Variants in SDK1 observed in about 807,000 individuals in gnomAD.
SDK1 encodes sidekick cell adhesion molecule 1.
SDK1 carries 157 observed loss-of-function variants against 245.5 expected under a neutral mutation model. The observed-to-expected ratio is 0.64, with a 90% CI of 0.56 to 0.73. SDK1 has a LOEUF of 0.73. Among genes scored for constraint, SDK1 ranks in the 30% least tolerant of loss-of-function variants. SDK1 has a pLI of 0.00. For missense variants in SDK1, 3,583 were observed against 3,002.3 expected (o/e 1.19, Z -4.52); for synonymous variants, 1,647 against 1,278.5 (o/e 1.29, Z -6.15).
chr7:4,161,081 C>T (rs1231263739), intron 31 of SDK1, among the ~76,000 whole-genome samples: 1 of 152,158 alleles, frequency 6.6e-6, no homozygotes, highest in East Asian at 1.9e-4. Context: ...GAGTTCAGCT[C>T]AATATGCCAA....
chr7:3,852,406 C>G (rs1452016566), intron 5 of SDK1, among the ~76,000 whole-genome samples: 1 of 151,496 alleles, frequency 6.6e-6, no homozygotes. Context: ...TTTCACGAGT[C>G]TTGCAAAAAA....
intron 1 of SDK1, among the ~76,000 whole-genome samples, chr7:3,414,498 T>C (rs1217741428): frequency 1.3e-5 from 2 of 152,202 alleles, no homozygotes; most frequent in East Asian, 3.8e-4. Context: ...TTCTTTTACA[T>C]GAATATCTAT....
intron 4 of SDK1, among the ~76,000 whole-genome samples, chr7:3,700,685 T>TAAGC (rs1336310542): frequency 9.2e-5 from 14 of 152,192 alleles, no homozygotes; most frequent in African/African-American, 3.4e-4. Context: ...ATGGTGAACT[T>TAAGC]AAGCCCCAGA....
At position 3,618,308 on chromosome 7, in the gene SDK1, A is replaced by G. The variant is rs774520611; in HGVS notation, c.299-772A>G. On this transcript the variant is annotated intron_variant, in intron 1 of 44. Transcript: ENST00000404826. ...TCCCATTACCTTCACCCCCGTCGCTATCCCATCCCTCAGAGGTAACCCTTA... is the reference window on the plus strand; with the variant it reads ...TCCCATTACCTTCACCCCCGTCGCTGTCCCATCCCTCAGAGGTAACCCTTA... Among the ~76,000 whole-genome samples the G allele has an allele frequency of 3.9e-5, 6 of 152,318 alleles. No individual in the cohort carries two copies. In the East Asian group the frequency reaches 1.2e-3, roughly 29 times the overall value.
At chr7:3,912,379 G>A (rs888312982) in intron 5 of SDK1, among the ~76,000 whole-genome samples, 13 of 152,204 alleles carry the variant, frequency 8.5e-5, no homozygotes, top group African/African-American at 2.4e-4. Flanking sequence ...ACGGTAACTG[G>A]TGCACAGTAG....
intron 1 of SDK1, among the ~76,000 whole-genome samples, chr7:3,422,264 C>G (rs1241317068): frequency 6.6e-6 from 1 of 151,986 alleles, no homozygotes; most frequent in East Asian, 1.9e-4. Context: ...TAAAAACCTG[C>G]TATTATTCTA....
At chr7:3,807,813 G>A (rs1779289213) in intron 4 of SDK1, among the ~76,000 whole-genome samples, 1 of 152,272 alleles carries the variant, frequency 6.6e-6, no homozygotes, top group African/African-American at 2.4e-5. Context: ...AAAATTATTT[G>A]ACCTCTGGTA....
At chr7:3,688,388 T>C (rs774447907) in intron 4 of SDK1, among the ~76,000 whole-genome samples, 1 of 152,256 alleles carries the variant, frequency 6.6e-6, no homozygotes, top group African/African-American at 2.4e-5. Flanking sequence ...GTTAATCTTT[T>C]GAGGTTTAAT....
At chr7:3,450,078 G>A (rs1186351368) in intron 1 of SDK1, among the ~76,000 whole-genome samples, 1 of 152,314 alleles carries the variant, frequency 6.6e-6, no homozygotes, top group East Asian at 1.9e-4. Context: ...AGGGAGAGGA[G>A]CTTTCAACTA....
rs1221003792 is a variant in SDK1 at position 3,672,794 on chromosome 7, T to TA, written c.713+30695dup. Among the ~76,000 whole-genome samples the TA allele has an allele frequency of 1.2e-3, 77 of 65,574 alleles. 1 individual carries two copies. The highest frequency in any genetic ancestry group is 4.0e-3 in the South Asian group (7 of 1,770). 43.0% of individuals were successfully genotyped at this position (65,574 alleles called of 152,430 possible). ...ATATATATATATATATATATATATA[T>TA]AAAAAATACAGAAAGCTCTAAGTAT... is the stretch of plus-strand genomic sequence containing the variant. On this transcript the variant is annotated intron_variant, in intron 4 of 44. Coordinates refer to ENST00000404826, the MANE Select transcript of SDK1 (RefSeq NM_152744.4).
In SDK1 at chr7:4,205,894, C is replaced by T. The variant is rs977382949; in HGVS notation, c.5114C>T (p.Pro1705Leu). 19 of 1,554,934 alleles carry T rather than the reference C, an allele frequency of 1.2e-5. No homozygotes were observed. The highest frequency in any genetic ancestry group is 4.1e-5 in the African/African-American group (3 of 73,210). ...FVGEAAPAMAPQNVQVTPLTA... is the reference protein window; with the variant it reads ...FVGEAAPAMALQNVQVTPLTA... ...CTTTCCTCAGCCCCGGCCATGGCCC[C>T]GCAGAACGTGCAGGTGACCCCACTC... Residue 1705 changes from proline to leucine, a missense_variant, in exon 36 of 45, where the codon CCG becomes CTG. Pro to Leu is a moderately conservative substitution (Grantham distance 98). Transcript: ENST00000404826.
intron 1 of SDK1, among the ~76,000 whole-genome samples, chr7:3,493,026 C>G (rs1196274590): frequency 6.6e-6 from 1 of 152,212 alleles, no homozygotes; most frequent in Non-Finnish European, 1.5e-5. Flanking sequence ...TCTCTGCTCA[C>G]TGCAAGGTCT....
intron 1 of SDK1, among the ~76,000 whole-genome samples, chr7:3,358,804 G>A (rs1055984406): frequency 6.6e-6 from 1 of 152,196 alleles, no homozygotes; most frequent in African/African-American, 2.4e-5. Flanking sequence ...GCAAAATGGG[G>A]TGGGTTTCAA....
chr7:3,484,504 G>C (rs1562515059), intron 1 of SDK1, among the ~76,000 whole-genome samples: 1 of 152,172 alleles, frequency 6.6e-6, no homozygotes, highest in Non-Finnish European at 1.5e-5. Flanking sequence ...AAATATCCTT[G>C]TATAAGTGGA....
At position 3,886,767 on chromosome 7, in the gene SDK1, T is replaced by C. The variant is rs530902684; in HGVS notation, c.848-64156T>C. 3.9e-5 allele frequency among the ~76,000 whole-genome samples: 6 copies of C among 152,224 alleles called. No homozygotes were observed. In the East Asian group the frequency reaches 9.7e-4, roughly 25 times the overall value. On this transcript the variant is annotated intron_variant, in intron 5 of 44. Coordinates refer to ENST00000404826, the MANE Select transcript of SDK1 (RefSeq NM_152744.4). The stretch of plus-strand genomic sequence containing the variant: ...CTGTCTCTACAAAAAATATTAAAAA[T>C]TAGCTAAGCATGGTGGTATGATCCT...
At chr7:3,919,018 C>T (rs572849341) in intron 5 of SDK1, among the ~76,000 whole-genome samples, 1 of 152,182 alleles carries the variant, frequency 6.6e-6, no homozygotes, top group Non-Finnish European at 1.5e-5. Context: ...ATAACTATTA[C>T]TATCATTGCT....
intron 1 of SDK1, among the ~76,000 whole-genome samples, chr7:3,418,648 G>C (rs1206816738): frequency 6.6e-6 from 1 of 152,182 alleles, no homozygotes; most frequent in Non-Finnish European, 1.5e-5. Context: ...CTGGCCTTGT[G>C]AAGGTATTTA....
intron 1 of SDK1, among the ~76,000 whole-genome samples, chr7:3,368,860 TTAAA>T (rs1781154832): frequency 6.6e-6 from 1 of 152,146 alleles, no homozygotes; most frequent in African/African-American, 2.4e-5. Flanking sequence ...TTGATTGGTA[TTAAA>T]TAATATAAAC....
chr7:3,791,569 C>T lies in SDK1; in HGVS notation c.714-29881C>T, dbSNP rs528660650. Among the ~76,000 whole-genome samples, 16 of 152,232 alleles carry T rather than the reference C, an allele frequency of 1.1e-4. No homozygotes were observed. In the South Asian group the frequency reaches 1.5e-3, roughly 14 times the overall value. On this transcript the variant is annotated intron_variant, in intron 4 of 44. Coordinates refer to ENST00000404826, the MANE Select transcript of SDK1 (RefSeq NM_152744.4). Reference sequence around the variant, plus strand: ...TGTGGTTGCTGCCTGGCCTTCATCCCCTCAGTACCCAGGCAGAGACCGAGT... The same window carrying T: ...TGTGGTTGCTGCCTGGCCTTCATCCTCTCAGTACCCAGGCAGAGACCGAGT...
Sources: gnomAD v4.1 joint callset for allele counts (sites outside exome capture counted in the v4.1 genomes callset) on GRCh38, gnomAD v4.1.1 for gene constraint, MANE v1.5 for transcripts, NCBI Gene and HGNC (gene_info 2026-07-23, HGNC 2026-07-21) for gene names.